RUNX2: variants seen among roughly 807,000 people sequenced by gnomAD.
The protein encoded by RUNX2 is RUNX family transcription factor 2, also known as runt-related transcription factor 2.
Under a neutral mutation model 51.7 loss-of-function variants are expected in RUNX2, and 10 were observed. The ratio of observed to expected loss-of-function variants is 0.19; its 90% CI spans 0.12 to 0.33. RUNX2 has a LOEUF of 0.33. RUNX2 is among the 10% of genes least tolerant of loss of function. RUNX2 has a pLI of 1.00. For synonymous variants in RUNX2, 276 were observed against 273.6 expected (o/e 1.01, Z -0.09); for missense variants, 562 against 691.3 (o/e 0.81, Z 2.10).
intron 2 of RUNX2, among the ~76,000 whole-genome samples, chr6:45,390,535 T>C (rs1052416159): frequency 5.9e-5 from 9 of 152,236 alleles, no homozygotes; most frequent in African/African-American, 2.2e-4. Context: ...ACTTTTGAGT[T>C]TTCAGAAGTG....
At chr6:45,428,770 T>A (rs768665543) in intron 3 of RUNX2, among the ~76,000 whole-genome samples, 6 of 152,024 alleles carry the variant, frequency 3.9e-5, no homozygotes, top group Non-Finnish European at 8.8e-5. Context: ...AAATTCATTA[T>A]GTTAAAAATA....
At chr6:45,445,174 G>A (rs1390918145) in intron 5 of RUNX2, among the ~76,000 whole-genome samples, 3 of 152,052 alleles carry the variant, frequency 2.0e-5, no homozygotes, top group African/African-American at 7.2e-5. Flanking sequence ...ACAAGTGTGT[G>A]CCACCACACC....
At chr6:45,328,626 C>A (rs757390130) in intron 1 of RUNX2, 35 bp from the exon 2 acceptor site, 1 of 1,608,874 alleles carries the variant, frequency 6.2e-7, no homozygotes, top group Non-Finnish European at 8.5e-7. Flanking sequence ...TACTGTAAAA[C>A]TAAAACAAGG....
chr6:45,496,968 C>T (rs1800667111), intron 6 of RUNX2, among the ~76,000 whole-genome samples: 1 of 151,958 alleles, frequency 6.6e-6, no homozygotes, highest in South Asian at 2.1e-4. Flanking sequence ...GAGTTTTGAC[C>T]TGGGCAATTG....
intron 5 of RUNX2, among the ~76,000 whole-genome samples, chr6:45,464,411 T>C (rs1008715367): frequency 1.3e-5 from 2 of 152,192 alleles, no homozygotes; most frequent in Non-Finnish European, 2.9e-5. Flanking sequence ...ATATAAACTT[T>C]TTTTTTTCTT....
At chr6:45,338,800 T>A (rs997415041) in intron 2 of RUNX2, among the ~76,000 whole-genome samples, 7 of 152,210 alleles carry the variant, frequency 4.6e-5, no homozygotes, top group African/African-American at 1.7e-4. Context: ...TTTCTCTGGA[T>A]GAGACAAGGG....
At position 45,375,557 on chromosome 6, in the gene RUNX2, T is replaced by C. The variant is rs543533418; in HGVS notation, c.58+46773T>C. 1.5e-3 allele frequency among the ~76,000 whole-genome samples: 229 copies of C among 152,180 alleles called. 2 individuals carry two copies. The highest frequency in any genetic ancestry group is 2.4e-3 in the Admixed American group (36 of 15,284). ...TTAAGACCAAGAGCATCATTTTTTT[T>C]TTTAAAGAGACAAGGTCTCCCTCTG... On this transcript the variant is annotated intron_variant, in intron 2 of 8. Coordinates refer to ENST00000647337, the MANE Select transcript of RUNX2 (RefSeq NM_001024630.4).
In RUNX2 at chr6:45,541,911, T is replaced by C. The variant is rs541400619; in HGVS notation, c.1022-3306T>C. Among the ~76,000 whole-genome samples, 14 of 152,324 alleles carry C rather than the reference T, an allele frequency of 9.2e-5. No individual in the cohort carries two copies. The South Asian group carries it at 2.3e-3, about 25-fold the overall frequency. ...ATTTTCCGTCAACCAACCATATTTA[T>C]TGGGGGCCTAGTCAATGAGAAAATG... On this transcript the variant is annotated intron_variant, in intron 7 of 8. Coordinates refer to ENST00000647337, the MANE Select transcript of RUNX2 (RefSeq NM_001024630.4).
intron 5 of RUNX2, among the ~76,000 whole-genome samples, chr6:45,467,568 C>T (rs1238761301): frequency 1.3e-5 from 2 of 152,192 alleles, no homozygotes; most frequent in African/African-American, 2.4e-5. Context: ...AGGCATGAAA[C>T]ACTGCACCAG....
intron 5 of RUNX2, among the ~76,000 whole-genome samples, chr6:45,468,190 C>G (rs564668803): frequency 6.6e-6 from 1 of 152,314 alleles, no homozygotes; most frequent in Admixed American, 6.5e-5. Flanking sequence ...CCAACACCTC[C>G]TTTTTGTAAC....
chr6:45,478,536 C>G (rs1403242265), intron 5 of RUNX2, among the ~76,000 whole-genome samples: 1 of 152,156 alleles, frequency 6.6e-6, no homozygotes, highest in South Asian at 2.1e-4. Flanking sequence ...TTTTCCTGCT[C>G]CTTGTATAGT....
chr6:45,512,527 G>A lies in RUNX2; in HGVS notation c.1021+120G>A, dbSNP rs780340920. ...CTCTATTAGAGGCATGTGGGCAAGG[G>A]AATGACAACTGGCAAATTAAATCTT... On this transcript the variant is annotated intron_variant, in intron 7 of 8. Coordinates refer to ENST00000647337, the MANE Select transcript of RUNX2 (RefSeq NM_001024630.4). 1.3e-4 allele frequency: 142 copies of A among 1,064,590 alleles called. 1 individual carries two copies. The highest frequency in any genetic ancestry group is 1.8e-4 in the Non-Finnish European group (127 of 708,186). 65.9% of individuals were successfully genotyped at this position (1,064,590 alleles called of 1,614,324 possible).
intron 2 of RUNX2, among the ~76,000 whole-genome samples, chr6:45,329,914 CCTT>C (rs1177599026): frequency 2.0e-5 from 3 of 151,800 alleles, no homozygotes; most frequent in African/African-American, 7.2e-5. Flanking sequence ...TTAAAATAAA[CCTT>C]CTTGCTGTGT....
chr6:45,526,835 C>T (rs1445254490), intron 7 of RUNX2, among the ~76,000 whole-genome samples: 1 of 152,132 alleles, frequency 6.6e-6, no homozygotes, highest in African/African-American at 2.4e-5. Context: ...ATTTCCGCAT[C>T]AGTTAAATGA....
At chr6:45,492,388 GA>G (rs1182741038) in intron 6 of RUNX2, among the ~76,000 whole-genome samples, 2 of 152,112 alleles carry the variant, frequency 1.3e-5, no homozygotes, top group Non-Finnish European at 2.9e-5. Context: ...TGCACTTTGG[GA>G]GAATGTTTAT....
intron 5 of RUNX2, among the ~76,000 whole-genome samples, chr6:45,446,739 T>G (rs754258860): frequency 6.6e-6 from 1 of 152,214 alleles, no homozygotes; most frequent in Admixed American, 6.5e-5. Flanking sequence ...ATTTATGATG[T>G]CAACTAAAGA....
chr6:45,528,303 C>A (rs1187210655), intron 7 of RUNX2, among the ~76,000 whole-genome samples: 1 of 152,150 alleles, frequency 6.6e-6, no homozygotes, highest in Non-Finnish European at 1.5e-5. Context: ...CTTTCATACA[C>A]ACCAGTTCCT....
At chr6:45,474,367 T>TTA (rs892473711) in intron 5 of RUNX2, among the ~76,000 whole-genome samples, 5 of 128,056 alleles carry the variant, frequency 3.9e-5, no homozygotes, top group Non-Finnish European at 7.8e-5. Context: ...TTTTTATGTT[T>TTA]TATATATGTG....
At chr6:45,466,143 A>C (rs568581676) in intron 5 of RUNX2, among the ~76,000 whole-genome samples, 11 of 151,986 alleles carry the variant, frequency 7.2e-5, no homozygotes, top group Admixed American at 7.2e-4. Flanking sequence ...GTGAAATCCT[A>C]TCTCTACTAA....
Sources: gnomAD v4.1 joint callset for allele counts (sites outside exome capture counted in the v4.1 genomes callset) on GRCh38, gnomAD v4.1.1 for gene constraint, MANE v1.5 for transcripts, NCBI Gene and HGNC (gene_info 2026-07-23, HGNC 2026-07-21) for gene names.